STAT4: variants seen among roughly 807,000 people sequenced by gnomAD.
The protein encoded by STAT4 is signal transducer and activator of transcription 4.
Under a neutral mutation model 110.5 loss-of-function variants are expected in STAT4, and 42 were observed. The observed-to-expected ratio is 0.38, with a 90% CI of 0.30 to 0.49. STAT4 has a LOEUF of 0.49. Among genes scored for constraint, STAT4 ranks in the 20% least tolerant of loss-of-function variants. The probability of loss-of-function intolerance (pLI) is 0.95; values close to 1 mark genes in which losing one functional copy is unlikely to be tolerated. For synonymous variants in STAT4, 284 were observed against 302.2 expected (o/e 0.94, Z 0.63); for missense variants, 632 against 887.9 (o/e 0.71, Z 3.66).
chr2:191,036,485 G>A (rs2125151574), intron 16 of STAT4, among the ~76,000 whole-genome samples, 186 bp from the exon 17 acceptor site: 1 of 152,230 alleles, frequency 6.6e-6, no homozygotes, highest in Non-Finnish European at 1.5e-5. Flanking sequence ...CTGGTGCCAG[G>A]GAACAAGCGT....
At chr2:191,080,805 T>C (rs1033447674) in intron 3 of STAT4, among the ~76,000 whole-genome samples, 2 of 152,162 alleles carry the variant, frequency 1.3e-5, no homozygotes, top group Non-Finnish European at 2.9e-5. Context: ...TCATTATCCA[T>C]CCACTATCGT....
Position 191,147,351 on chromosome 2 carries a change from C to T in STAT4, c.129-594G>A, listed in dbSNP as rs1474303807. On this transcript the variant is annotated intron_variant, in intron 2 of 23. Transcript: ENST00000392320. The surrounding 1 kb of genome is among the most constrained non-coding windows in gnomAD (Gnocchi z 4.1). ...AAAGGAAGAAAATTCTGATATGATA[C>T]CTGTTAAACATGAATGAATTTTGAA... Among the ~76,000 whole-genome samples the T allele has an allele frequency of 6.6e-6, 1 of 152,016 alleles. No individual in the cohort carries two copies. Among genetic ancestry groups the T allele is most frequent in the Non-Finnish European group, 1.5e-5 (1 of 68,002 alleles).
In STAT4 at chr2:191,142,862, G is replaced by T. The variant is rs1699372429; in HGVS notation, c.273+3751C>A. On this transcript the variant is annotated intron_variant, in intron 3 of 23. Coordinates refer to ENST00000392320, the MANE Select transcript of STAT4 (RefSeq NM_003151.4). The surrounding 1 kb of genome is among the most constrained non-coding windows in gnomAD (Gnocchi z 4.1). ...ATTGGAGAGGACAGGAGATTTTCAG[G>T]GGCCATGAAACTCTCTAGTATGATA... Among the ~76,000 whole-genome samples the T allele has an allele frequency of 6.6e-6, 1 of 152,052 alleles. No homozygotes were observed. Among genetic ancestry groups the T allele is most frequent in the African/African-American group, 2.4e-5 (1 of 41,404 alleles).
In STAT4 at chr2:191,110,522, G is replaced by A. The variant is rs1698396058; in HGVS notation, c.274-34197C>T. 6.6e-6 allele frequency among the ~76,000 whole-genome samples: 1 copy of A among 152,130 alleles called. No individual in the cohort carries two copies. Among genetic ancestry groups the A allele is most frequent in the Admixed American group, 6.6e-5 (1 of 15,266 alleles). ...ACTTTAGCCTATCTGACATCCACGGGTATCTCTAACACACCATTTGGAGCT... is the reference window on the plus strand; with the variant it reads ...ACTTTAGCCTATCTGACATCCACGGATATCTCTAACACACCATTTGGAGCT... On this transcript the variant is annotated intron_variant, in intron 3 of 23. Transcript: ENST00000392320. This position sits in a 1 kb window ranked among gnomAD's most constrained non-coding sequence, Gnocchi z 4.5.
chr2:191,132,070 T>G (rs557171942), intron 3 of STAT4, among the ~76,000 whole-genome samples: 13 of 151,890 alleles, frequency 8.6e-5, no homozygotes, highest in Admixed American at 3.3e-4. Flanking sequence ...CGAGGGACTT[T>G]CATTCTTCAC....
Position 191,146,538 on chromosome 2 carries a change from G to T in STAT4, c.273+75C>A. On this transcript the variant is annotated intron_variant, in intron 3 of 23. Transcript: ENST00000392320. This position sits in a 1 kb window ranked among gnomAD's most constrained non-coding sequence, Gnocchi z 4.5. ...AAATTTCATTTGAAAATAATATAAG[G>T]GTACATATTTAATTTTTAACTAAAT... is the stretch of plus-strand genomic sequence containing the variant. The T allele has an allele frequency of 3.2e-6, 4 of 1,239,900 alleles. No homozygotes were observed. The highest frequency in any genetic ancestry group is 4.2e-6 in the Non-Finnish European group (4 of 959,736). The allele number at this position is 1,239,900 out of a possible 1,614,324, so 76.8% of individuals were successfully genotyped here.
chr2:191,051,904 T>C lies in STAT4; in HGVS notation c.1251+2586A>G, dbSNP rs1383702750. Among the ~76,000 whole-genome samples, 1 of 152,228 alleles carries C rather than the reference T, an allele frequency of 6.6e-6. No homozygotes were observed. The highest frequency in any genetic ancestry group is 1.5e-5 in the Non-Finnish European group (1 of 68,038). ...ATAACTGAAATAAGTATGAAGCTAATAGTACCTACTTCACAGTCTTGTTGC... is the reference window on the plus strand; with the variant it reads ...ATAACTGAAATAAGTATGAAGCTAACAGTACCTACTTCACAGTCTTGTTGC... On this transcript the variant is annotated intron_variant, in intron 14 of 23. Transcript: ENST00000392320. The surrounding 1 kb of genome is among the most constrained non-coding windows in gnomAD (Gnocchi z 5.6).
chr2:191,085,968 T>C (rs901046257), intron 3 of STAT4, among the ~76,000 whole-genome samples: 1 of 152,236 alleles, frequency 6.6e-6, no homozygotes, highest in African/African-American at 2.4e-5. Context: ...GAGTAAAATA[T>C]ATTCTTGTGA....
intron 3 of STAT4, among the ~76,000 whole-genome samples, chr2:191,124,184 C>T (rs1036941839): frequency 5.9e-5 from 9 of 152,118 alleles, no homozygotes; most frequent in Non-Finnish European, 1.3e-4. Context: ...AGGCCGGGCA[C>T]AGTGGCTCAC....
In STAT4 at chr2:191,036,153, C is replaced by G; in HGVS notation, c.1570+11G>C. On this transcript the variant is annotated intron_variant, in intron 17 of 23. Coordinates refer to ENST00000392320, the MANE Select transcript of STAT4 (RefSeq NM_003151.4). ...AACAGAGGCAAATCCTCTCTATCTACCAGCTCTCACCTGTAAGCTTCTCTG... is the reference window on the plus strand; with the variant it reads ...AACAGAGGCAAATCCTCTCTATCTAGCAGCTCTCACCTGTAAGCTTCTCTG... 1 of 1,613,454 alleles carries G rather than the reference C, an allele frequency of 6.2e-7. No individual in the cohort carries two copies. The highest frequency in any genetic ancestry group is 8.5e-7 in the Non-Finnish European group (1 of 1,179,672).
In STAT4 at chr2:191,060,744, G is replaced by C. The variant is rs1696826598; in HGVS notation, c.1034+985C>G. Among the ~76,000 whole-genome samples, 1 of 152,124 alleles carries C rather than the reference G, an allele frequency of 6.6e-6. No individual in the cohort carries two copies. The highest frequency in any genetic ancestry group is 1.5e-5 in the Non-Finnish European group (1 of 68,028). On this transcript the variant is annotated intron_variant, in intron 10 of 23. Coordinates refer to ENST00000392320, the MANE Select transcript of STAT4 (RefSeq NM_003151.4). This position sits in a 1 kb window ranked among gnomAD's most constrained non-coding sequence, Gnocchi z 4.5. Reference sequence around the variant, plus strand: ...AACAGTGCAATTTAAAAAGGAACCTGGCCTCTGCCTTTTGTTTTCAGTTCT... The same window carrying C: ...AACAGTGCAATTTAAAAAGGAACCTCGCCTCTGCCTTTTGTTTTCAGTTCT...
chr2:191,141,097 C>T (rs538786207), intron 3 of STAT4, among the ~76,000 whole-genome samples: 56 of 149,414 alleles, frequency 3.7e-4, no homozygotes, highest in African/African-American at 8.9e-4. Context: ...AGGTTGGGAG[C>T]GGGGGGTGAG....
intron 13 of STAT4, among the ~76,000 whole-genome samples, chr2:191,056,552 T>G (rs558576418): frequency 1.3e-5 from 2 of 152,158 alleles, no homozygotes; most frequent in South Asian, 4.1e-4. Flanking sequence ...CATTATTGCA[T>G]GTGTGTATGT....
chr2:191,143,213 C>T lies in STAT4; in HGVS notation c.273+3400G>A, dbSNP rs1321216638. On this transcript the variant is annotated intron_variant, in intron 3 of 23. Transcript: ENST00000392320. This position sits in a 1 kb window ranked among gnomAD's most constrained non-coding sequence, Gnocchi z 5.6. ...CAAAGCATTCTTGAATTATCTGGGG[C>T]AGATATTTATTTTTAGCAAACCTTT... is the stretch of plus-strand genomic sequence containing the variant. 1.3e-5 allele frequency among the ~76,000 whole-genome samples: 2 copies of T among 152,162 alleles called. No homozygotes were observed. The highest frequency in any genetic ancestry group is 2.9e-5 in the Non-Finnish European group (2 of 68,040).
chr2:191,074,993 C>G (rs1342462544), intron 4 of STAT4, among the ~76,000 whole-genome samples: 1 of 151,986 alleles, frequency 6.6e-6, no homozygotes, highest in Non-Finnish European at 1.5e-5. Context: ...AAATCTGTCT[C>G]TACTAAAAAT....
At chr2:191,127,177 G>A (rs942679659) in intron 3 of STAT4, among the ~76,000 whole-genome samples, 1 of 151,848 alleles carries the variant, frequency 6.6e-6, no homozygotes, top group Non-Finnish European at 1.5e-5. Context: ...TTTGCCTACA[G>A]CAGACAAGGG....
Position 191,037,038 on chromosome 2 carries a change from C to G in STAT4, c.1435-739G>C, listed in dbSNP as rs1024237880. On this transcript the variant is annotated intron_variant, in intron 16 of 23. Transcript: ENST00000392320. This position sits in a 1 kb window ranked among gnomAD's most constrained non-coding sequence, Gnocchi z 4.8. ...ATCGCTTGACATCTCTTTAACTTTT[C>G]CGTATCAGTCTACTCATGCAAGAAC... is the stretch of plus-strand genomic sequence containing the variant. Among the ~76,000 whole-genome samples the G allele has an allele frequency of 2.6e-5, 4 of 152,202 alleles. No homozygotes were observed. Among genetic ancestry groups the G allele is most frequent in the African/African-American group, 9.7e-5 (4 of 41,448 alleles).
chr2:191,131,188 A>G (rs1699027475), intron 3 of STAT4, among the ~76,000 whole-genome samples: 1 of 151,836 alleles, frequency 6.6e-6, no homozygotes, highest in Non-Finnish European at 1.5e-5. Context: ...TACATAGTGC[A>G]TGATTCAGCA....
chr2:191,148,891 T>G (rs997774512), intron 1 of STAT4, among the ~76,000 whole-genome samples: 5 of 152,208 alleles, frequency 3.3e-5, no homozygotes, highest in Admixed American at 3.3e-4. Context: ...AAGGATGTAG[T>G]CTTTTTGTCT....
Sources: allele counts gnomAD v4.1 joint callset (sites outside exome capture counted in the v4.1 genomes callset), GRCh38; gene constraint gnomAD v4.1.1; non-coding constraint Gnocchi (gnomAD v3.1); transcripts MANE v1.5; gene names NCBI Gene and HGNC (gene_info 2026-07-23, HGNC 2026-07-21).